The following DPP10 variants were observed in gnomAD, a reference collection of about 807,000 sequenced individuals.
DPP10 encodes the protein inactive dipeptidyl peptidase 10.
DPP10 carries 33 observed loss-of-function variants against 120.9 expected under a neutral mutation model. The observed-to-expected ratio is 0.27, with a 90% CI of 0.21 to 0.37. DPP10 has a LOEUF of 0.37. Ranked by LOEUF, DPP10 falls within the 10% of genes least tolerant of loss-of-function variation. The pLI, the probability that DPP10 is intolerant of heterozygous loss-of-function variation, is 1.00. For synonymous variants in DPP10, 337 were observed against 326.1 expected (o/e 1.03, Z -0.36); for missense variants, 816 against 942.8 (o/e 0.87, Z 1.76).
intron 5 of DPP10, among the ~76,000 whole-genome samples, chr2:115,627,043 A>T (rs568508265): frequency 9.8e-5 from 15 of 152,322 alleles, no homozygotes; most frequent in African/African-American, 3.6e-4. Flanking sequence ...GATGCTCTGT[A>T]TAGGGAATTT....
At chr2:115,281,165 C>A (rs1431682758) in intron 1 of DPP10, among the ~76,000 whole-genome samples, 1 of 152,136 alleles carries the variant, frequency 6.6e-6, no homozygotes, top group Non-Finnish European at 1.5e-5. Context: ...AAGTGGAGTT[C>A]TTACTTTATT....
At position 114,648,296 on chromosome 2, in the gene DPP10, T is replaced by C. The variant is rs545812641; in HGVS notation, c.60+205458T>C. 6.6e-5 allele frequency among the ~76,000 whole-genome samples: 10 copies of C among 152,338 alleles called. No homozygotes were observed. In the South Asian group the frequency reaches 2.1e-3, roughly 32 times the overall value. ...AGGAGTCTCATGTCTTCTGAGATCATCTATGAAACTAGCAGGTTAACTTGT... is the reference window on the plus strand; with the variant it reads ...AGGAGTCTCATGTCTTCTGAGATCACCTATGAAACTAGCAGGTTAACTTGT... On this transcript the variant is annotated intron_variant, in intron 1 of 25. Coordinates refer to ENST00000410059, the MANE Select transcript of DPP10 (RefSeq NM_020868.6).
At chr2:115,488,894 A>T (rs2075924429) in intron 3 of DPP10, among the ~76,000 whole-genome samples, 1 of 146,592 alleles carries the variant, frequency 6.8e-6, no homozygotes, top group African/African-American at 2.5e-5. Context: ...AAAAAAAAAA[A>T]AAAAAATATG....
At position 114,625,675 on chromosome 2, in the gene DPP10, A is replaced by C. The variant is rs558613522; in HGVS notation, c.60+182837A>C. ...AAGAGCCTTTTAAAATATCATTATG[A>C]ATGAATAAATTGAGAAATATCTGAG... On this transcript the variant is annotated intron_variant, in intron 1 of 25. Transcript: ENST00000410059. 9.9e-5 allele frequency among the ~76,000 whole-genome samples: 15 copies of C among 152,156 alleles called. No individual in the cohort carries two copies. The East Asian group carries it at 1.9e-3, about 20-fold the overall frequency.
chr2:114,926,671 G>A (rs1160949617), intron 1 of DPP10, among the ~76,000 whole-genome samples: 1 of 152,080 alleles, frequency 6.6e-6, no homozygotes, highest in African/African-American at 2.4e-5. Flanking sequence ...GTGTTCTCCT[G>A]CCTGGACCCT....
At chr2:115,312,483 A>G (rs1483599403) in intron 2 of DPP10, among the ~76,000 whole-genome samples, 1 of 152,148 alleles carries the variant, frequency 6.6e-6, no homozygotes, top group Admixed American at 6.5e-5. Context: ...GAAATGATCT[A>G]GTCTTGCCTC....
intron 1 of DPP10, among the ~76,000 whole-genome samples, chr2:114,627,266 T>C (rs1284437765): frequency 6.6e-6 from 1 of 152,108 alleles, no homozygotes; most frequent in Admixed American, 6.6e-5. Context: ...TCCCACAGTA[T>C]CCAAAACATT....
At chr2:114,512,810 T>C (rs1684255611) in intron 1 of DPP10, among the ~76,000 whole-genome samples, 2 of 152,144 alleles carry the variant, frequency 1.3e-5, no homozygotes, top group African/African-American at 4.8e-5. Context: ...CCTGTGTAGA[T>C]GTTGTCCTCA....
intron 1 of DPP10, among the ~76,000 whole-genome samples, chr2:114,676,544 G>A (rs1698682774): frequency 6.6e-6 from 1 of 151,968 alleles, no homozygotes; most frequent in African/African-American, 2.4e-5. Flanking sequence ...TGGAACAATT[G>A]CCATTAAAGT....
intron 5 of DPP10, among the ~76,000 whole-genome samples, chr2:115,542,640 G>A (rs533099924): frequency 2.0e-5 from 3 of 151,750 alleles, no homozygotes; most frequent in East Asian, 2.0e-4. Context: ...GAGCAGCCAG[G>A]AAGCCCTTTT....
chr2:115,184,754 A>C (rs1490076625), intron 1 of DPP10, among the ~76,000 whole-genome samples: 1 of 152,254 alleles, frequency 6.6e-6, no homozygotes, highest in Non-Finnish European at 1.5e-5. Context: ...TTGCAGCCTC[A>C]CATATTGTCG....
intron 1 of DPP10, among the ~76,000 whole-genome samples, chr2:114,917,228 A>G (rs920541780): frequency 1.3e-5 from 2 of 152,182 alleles, no homozygotes; most frequent in African/African-American, 4.8e-5. Context: ...AGTCCTCACC[A>G]AAAGAATAAA....
rs972647477 is a variant in DPP10, at chr2:114,449,021, G to A, written c.60+6183G>A. ...AGAAAATTTCTCAAAGAAGTATACT[G>A]ACATTTTGGCTTTTGATGGTTTTGT... On this transcript the variant is annotated intron_variant, in intron 1 of 25. Coordinates refer to ENST00000410059, the MANE Select transcript of DPP10 (RefSeq NM_020868.6). 5.9e-5 allele frequency among the ~76,000 whole-genome samples: 9 copies of A among 152,288 alleles called. No homozygotes were observed. In the South Asian group the frequency reaches 6.2e-4, roughly 11 times the overall value.
rs1231549696 is a variant in DPP10 at position 115,162,153 on chromosome 2, C to G, written c.61-147086C>G. On this transcript the variant is annotated intron_variant, in intron 1 of 25. Coordinates refer to ENST00000410059, the MANE Select transcript of DPP10 (RefSeq NM_020868.6). ...TCTTCTCACCCTCCCCCGCCCCGCC[C>G]CAGTTCCAGGCTCTCCTGCTTCTCC... The G allele has an allele frequency of 1.3e-4, 199 of 1,538,206 alleles. No homozygotes were observed. In the East Asian group the frequency reaches 4.2e-3, roughly 32 times the overall value.
At chr2:115,200,511 G>C (rs568111060) in intron 1 of DPP10, among the ~76,000 whole-genome samples, 7 of 152,306 alleles carry the variant, frequency 4.6e-5, no homozygotes, top group Non-Finnish European at 1.0e-4. Flanking sequence ...ATACTCTTTG[G>C]TGTCTTTGGT....
In DPP10 at chr2:115,535,122, T is replaced by C. The variant is rs1279824653; in HGVS notation, c.441+9150T>C. Reference sequence around the variant, plus strand: ...GCAGAAGCTCTTTACTTTAATTAGATCCCATTTGTCAATTTTGCCTTTTGT... The same window carrying C: ...GCAGAAGCTCTTTACTTTAATTAGACCCCATTTGTCAATTTTGCCTTTTGT... On this transcript the variant is annotated intron_variant, in intron 5 of 25. Coordinates refer to ENST00000410059, the MANE Select transcript of DPP10 (RefSeq NM_020868.6). Among the ~76,000 whole-genome samples, 3 of 152,158 alleles carry C rather than the reference T, an allele frequency of 2.0e-5. No individual in the cohort carries two copies. In the East Asian group the frequency reaches 5.8e-4, roughly 29 times the overall value.
chr2:114,488,083 G>A (rs947786830), intron 1 of DPP10, among the ~76,000 whole-genome samples: 3 of 152,168 alleles, frequency 2.0e-5, no homozygotes, highest in Admixed American at 6.5e-5. Flanking sequence ...AATAGTGTTC[G>A]AATGTAATTT....
intron 19 of DPP10, among the ~76,000 whole-genome samples, chr2:115,795,540 C>G (rs1331751963): frequency 6.6e-6 from 1 of 152,100 alleles, no homozygotes; most frequent in East Asian, 1.9e-4. Context: ...TCAGGTCATT[C>G]TAACCGGAGA....
chr2:115,689,281 G>T (rs2091178902), intron 5 of DPP10, among the ~76,000 whole-genome samples: 1 of 152,262 alleles, frequency 6.6e-6, no homozygotes, highest in African/African-American at 2.4e-5. Flanking sequence ...CACACAGGGA[G>T]AATCCATCTA....
Sources: gnomAD v4.1 joint callset for allele counts (sites outside exome capture counted in the v4.1 genomes callset) on GRCh38, gnomAD v4.1.1 for gene constraint, MANE v1.5 for transcripts, NCBI Gene and HGNC (gene_info 2026-07-23, HGNC 2026-07-21) for gene names.